SENP7: variants seen among roughly 807,000 people sequenced by gnomAD.
SENP7 encodes sentrin-specific protease 7.
Under a neutral mutation model 141.2 loss-of-function variants are expected in SENP7, and 64 were observed. That is an observed-to-expected ratio of 0.45 (90% CI 0.37 to 0.56). The LOEUF (loss-of-function observed/expected upper bound fraction) is 0.56, where lower values mean the gene tolerates loss of function less well. Among genes scored for constraint, SENP7 ranks in the 20% least tolerant of loss-of-function variants. The pLI is 0.00. For missense variants in SENP7, 1,025 were observed against 1,212.2 expected (o/e 0.85, Z 2.29); for synonymous variants, 382 against 426.4 (o/e 0.90, Z 1.28).
At chr3:101,483,826 A>G (rs372755441) in intron 3 of SENP7, among the ~76,000 whole-genome samples, 48 of 152,318 alleles carry the variant, frequency 3.2e-4, no homozygotes, top group African/African-American at 1.2e-3. Context: ...GTTTGAGACC[A>G]GCCTGGCCAA....
intron 11 of SENP7, chr3:101,358,227 A>G (rs1433723773): frequency 8.2e-6 from 7 of 851,382 alleles, no homozygotes; most frequent in Admixed American, 2.1e-5. Flanking sequence ...CTCACTAAAC[A>G]TAAGAGAACT....
intron 4 of SENP7, among the ~76,000 whole-genome samples, chr3:101,428,636 A>T (rs1214987174): frequency 6.6e-6 from 1 of 152,158 alleles, no homozygotes; most frequent in Non-Finnish European, 1.5e-5. Flanking sequence ...ATTTTCTCCC[A>T]TTCCATAGGT....
In SENP7 at chr3:101,366,430, T is replaced by C; in HGVS notation, c.1318A>G (p.Ile440Val). 6.4e-7 allele frequency: 1 copy of C among 1,558,046 alleles called. No homozygotes were observed. ...GNQSLISAEP[I>V]VVSSDEEGPV... ...ACTTTATAATCCTCCTGTCACTTAC[T>C]TGGTTCAGCTGAGATCAGTGATTGG... is the stretch of plus-strand genomic sequence containing the variant. Residue 440 changes from isoleucine to valine, a missense_variant and splice_region_variant, in exon 9 of 24, where the codon ATT becomes GTT. Physicochemically the swap from Ile to Val is conservative, Grantham distance 29. This residue lies in a region of SENP7 where 496 missense variants were observed against 503.5 expected (regional missense o/e 0.99). Coordinates refer to ENST00000394095, the MANE Select transcript of SENP7 (RefSeq NM_020654.5).
intron 6 of SENP7, among the ~76,000 whole-genome samples, chr3:101,375,861 A>C (rs1048678783): frequency 1.3e-5 from 2 of 152,244 alleles, no homozygotes; most frequent in African/African-American, 4.8e-5. Context: ...AAACTCAGCC[A>C]AACACAAAAG....
intron 1 of SENP7, 38 bp downstream of exon 1, chr3:101,513,053 G>A (rs1450907717): frequency 7.5e-6 from 12 of 1,608,856 alleles, no homozygotes; most frequent in African/African-American, 1.3e-5. Flanking sequence ...CCCCGGGTAG[G>A]AGACAATATG....
intron 4 of SENP7, among the ~76,000 whole-genome samples, chr3:101,428,868 T>A (rs1207387248): frequency 2.6e-5 from 4 of 152,218 alleles, no homozygotes; most frequent in African/African-American, 9.7e-5. Context: ...TTAATTTTTG[T>A]ATAAGGTCTA....
intron 5 of SENP7, chr3:101,414,407 C>T (rs2061547770): frequency 1.9e-6 from 2 of 1,080,676 alleles, no homozygotes; most frequent in East Asian, 4.7e-5. Flanking sequence ...CTGGCTCAAG[C>T]CCAGGCTTTG....
intron 4 of SENP7, among the ~76,000 whole-genome samples, chr3:101,431,811 G>GC (rs2107719633): frequency 6.6e-6 from 1 of 152,138 alleles, no homozygotes; most frequent in Non-Finnish European, 1.5e-5. Flanking sequence ...CCTGAGGTCT[G>GC]CCTTAGACTC....
chr3:101,326,208 C>T (rs2058895182), intron 23 of SENP7, 128 bp from the exon 24 acceptor site: 1 of 713,134 alleles, frequency 1.4e-6, no homozygotes, highest in East Asian at 3.0e-5. Context: ...AGATATAATT[C>T]ACATAATACA....
At chr3:101,433,549 T>A (rs2062265597) in intron 4 of SENP7, among the ~76,000 whole-genome samples, 1 of 151,998 alleles carries the variant, frequency 6.6e-6, no homozygotes, top group Middle Eastern at 3.4e-3. Flanking sequence ...AAGACACACA[T>A]AAACTAAAAA....
chr3:101,479,468 T>C (rs750154481), intron 3 of SENP7, among the ~76,000 whole-genome samples: 8 of 152,050 alleles, frequency 5.3e-5, no homozygotes, highest in Non-Finnish European at 8.8e-5. Context: ...TAGCCAGGCA[T>C]GATGGCACGT....
chr3:101,349,659 A>G (rs1446553998), intron 12 of SENP7, among the ~76,000 whole-genome samples: 1 of 152,158 alleles, frequency 6.6e-6, no homozygotes, highest in Non-Finnish European at 1.5e-5. Context: ...CGTTGTGCAC[A>G]TGTACCCTAA....
intron 6 of SENP7, among the ~76,000 whole-genome samples, chr3:101,373,353 A>C (rs2107446515): frequency 6.6e-6 from 1 of 152,276 alleles, no homozygotes; most frequent in Middle Eastern, 3.4e-3. Flanking sequence ...AATTTATACC[A>C]TAGAGTTTTG....
intron 4 of SENP7, among the ~76,000 whole-genome samples, chr3:101,443,453 G>A (rs1456204274): frequency 1.6e-5 from 2 of 123,190 alleles, no homozygotes; most frequent in Non-Finnish European, 3.6e-5. Context: ...GGTTCCATAT[G>A]AACTTTAAAG....
intron 5 of SENP7, among the ~76,000 whole-genome samples, chr3:101,411,159 G>C (rs1356265777): frequency 6.6e-6 from 1 of 152,114 alleles, no homozygotes; most frequent in Non-Finnish European, 1.5e-5. Context: ...TTACAAAGTT[G>C]TTAAGATTCA....
At chr3:101,348,143 T>G in intron 12 of SENP7, 92 bp from the exon 13 acceptor site, 1 of 775,774 alleles carries the variant, frequency 1.3e-6, no homozygotes, top group Non-Finnish European at 1.9e-6. Flanking sequence ...TACACTACTT[T>G]TTTTAAAAAA....
chr3:101,371,250 G>A (rs1022186226), intron 7 of SENP7, among the ~76,000 whole-genome samples: 1 of 152,072 alleles, frequency 6.6e-6, no homozygotes, highest in Non-Finnish European at 1.5e-5. Context: ...CTGTGATCAT[G>A]TGTGATCATG....
intron 4 of SENP7, among the ~76,000 whole-genome samples, chr3:101,438,851 G>A (rs2107754820): frequency 6.6e-6 from 1 of 152,068 alleles, no homozygotes; most frequent in Admixed American, 6.5e-5. Flanking sequence ...CCGGGAGGCA[G>A]CGGCTGGAGG....
At chr3:101,513,020 C>T in intron 1 of SENP7, 71 bp downstream of exon 1, 1 of 1,473,208 alleles carries the variant, frequency 6.8e-7, no homozygotes, top group Non-Finnish European at 9.3e-7. Context: ...GCAACCCCAG[C>T]TGCCGCCTGC....
Sources: gnomAD v4.1 joint callset for allele counts (sites outside exome capture counted in the v4.1 genomes callset) on GRCh38, gnomAD v4.1.1 for gene constraint, gnomAD v4.1.1 regional missense constraint, MANE v1.5 for transcripts, NCBI Gene and HGNC (gene_info 2026-07-23, HGNC 2026-07-21) for gene names.